SAMD9: variants seen among roughly 807,000 people sequenced by gnomAD.
SAMD9 encodes sterile alpha motif domain-containing protein 9.
Under a neutral mutation model 1.5 loss-of-function variants are expected in SAMD9, and 3 were observed. The observed-to-expected ratio is 2.05, with a 90% CI of 0.93 to 5.29. The LOEUF is 5.29. Among genes scored for constraint, SAMD9 ranks in the 30% most tolerant of loss-of-function variants. The pLI is 0.02. For missense variants in SAMD9, 1,597 were observed against 1,820.8 expected (o/e 0.88, Z 2.24); for synonymous variants, 635 against 631.9 (o/e 1.00, Z -0.07).
rs1030030514 is a variant in SAMD9 at position 93,105,469 on chromosome 7, T to G, written c.629A>C (p.Asp210Ala). The change falls in exon 3 of 3, where the codon GAT becomes GCT. Residue 210 changes from aspartate (D) to alanine (A), a missense_variant. Asp to Ala is a moderately radical substitution (Grantham distance 126). Coordinates refer to ENST00000379958, the MANE Select transcript of SAMD9 (RefSeq NM_017654.4). ...CTCATTGCTAAATTTCATCTTGACA[T>G]CCTCTTCTGTGGCTGTTGCTGTATT... ...FTNTATATEE[D>A]VKMKFSNEVF... 4 of 1,614,090 alleles carry G rather than the reference T, an allele frequency of 2.5e-6. No homozygotes were observed. Among genetic ancestry groups the G allele is most frequent in the Non-Finnish European group, 3.4e-6 (4 of 1,179,964 alleles).
At chr7:93,113,511 C>T (rs927794063) in intron 2 of SAMD9, among the ~76,000 whole-genome samples, 4 of 152,142 alleles carry the variant, frequency 2.6e-5, no homozygotes, top group Non-Finnish European at 5.9e-5. Context: ...TCAGAGTGAA[C>T]AGGCAACCTA....
chr7:93,114,921 T>G (rs1467642187), intron 1 of SAMD9, 26 bp from the exon 2 acceptor site: 1 of 152,168 alleles, frequency 6.6e-6, no homozygotes, highest in East Asian at 1.9e-4. Flanking sequence ...ACTCATATTT[T>G]TAAGTAATCA....
intron 2 of SAMD9, among the ~76,000 whole-genome samples, chr7:93,109,323 G>A (rs143597799): frequency 0.033 from 5,007 of 152,128 alleles, 197 homozygotes; most frequent in African/African-American, 0.09. Flanking sequence ...AAAGACCAAA[G>A]GTAGATAAAA....
rs1406460331 is a variant in SAMD9, at chr7:93,101,084, C to T, written c.*244G>A. The T allele has an allele frequency of 9.7e-6, 5 of 517,198 alleles. No homozygotes were observed. Among genetic ancestry groups the T allele is most frequent in the Non-Finnish European group, 1.7e-5 (5 of 288,916 alleles). 32.0% of individuals were successfully genotyped at this position (517,198 alleles called of 1,614,324 possible). ...CAGTCATAGCTCCTTATTATTTTGT[C>T]ATCAATGATGTTAACCAAACCAAGG... On this transcript the variant is annotated 3_prime_UTR_variant, in exon 3 of 3. Coordinates refer to ENST00000379958, the MANE Select transcript of SAMD9 (RefSeq NM_017654.4).
At chr7:93,114,943 A>G (rs563824084) in intron 1 of SAMD9, 48 bp from the exon 2 acceptor site, 1 of 152,340 alleles carries the variant, frequency 6.6e-6, no homozygotes, top group Non-Finnish European at 1.5e-5. Context: ...AAAGTCATCA[A>G]TAGACCAGAT....
chr7:93,104,136 A>T lies in SAMD9; in HGVS notation c.1962T>A (p.Ile654=). Residue 654 remains isoleucine (I), a synonymous_variant, in exon 3 of 3, where the codon ATT becomes ATA. Transcript: ENST00000379958. ...KEEDIMTALE[I]ICENECEGTL... is the part of the protein sequence containing the mutation. ...TACCCTCACATTCATTTTCACAGAT[A>T]ATTTCCAGAGCAGTCATGATATCTT... 1 of 1,613,924 alleles carries T rather than the reference A, an allele frequency of 6.2e-7. No individual in the cohort carries two copies. Among genetic ancestry groups the T allele is most frequent in the Non-Finnish European group, 8.5e-7 (1 of 1,179,864 alleles).
Position 93,103,642 on chromosome 7 carries a change from G to A in SAMD9, c.2456C>T (p.Ala819Val), listed in dbSNP as rs868190186. 4 of 1,613,584 alleles carry A rather than the reference G, an allele frequency of 2.5e-6. No individual in the cohort carries two copies. The African/African-American group carries it at 4.0e-5, about 16-fold the overall frequency. The change falls in exon 3 of 3, where the codon GCT (alanine) becomes GTT (valine). Residue 819 changes from alanine (A) to valine (V), a missense_variant. This residue lies in a region of SAMD9 where 55 missense variants were observed against 58.6 expected (regional missense o/e 0.94). Coordinates refer to ENST00000379958, the MANE Select transcript of SAMD9 (RefSeq NM_017654.4). The stretch of plus-strand genomic sequence containing the variant: ...TTTTTCATATCGAATGTACTTTTTA[G>A]CTATAGCTGTTTGAATAGAGTACTG... ...LLQYSIQTAI[A>V]KKYIRYEKPL...
Position 93,102,476 on chromosome 7 carries a change from T to A in SAMD9, c.3622A>T (p.Ile1208Phe). 6.2e-7 allele frequency: 1 copy of A among 1,613,750 alleles called. No homozygotes were observed. Among genetic ancestry groups the A allele is most frequent in the Admixed American group, 1.7e-5 (1 of 59,982 alleles). ...QGEIEVGLYT[I>F]QILQLIPFFD... The stretch of plus-strand genomic sequence containing the variant: ...AAAGGAATGAGCTGGAGAATTTGGA[T>A]TGTGTAAAGCCCAACTTCTATCTCT... Residue 1208 changes from isoleucine (I) to phenylalanine (F), a missense_variant, in exon 3 of 3, where the codon ATC becomes TTC. Ile to Phe is a conservative substitution (Grantham distance 21). Coordinates refer to ENST00000379958, the MANE Select transcript of SAMD9 (RefSeq NM_017654.4).
intron 2 of SAMD9, among the ~76,000 whole-genome samples, chr7:93,107,528 G>T (rs1791666588): frequency 6.6e-6 from 1 of 152,170 alleles, no homozygotes; most frequent in Admixed American, 6.5e-5. Flanking sequence ...ATCCAAAATT[G>T]TGAGACATTT....
At chr7:93,112,809 C>G (rs544089140) in intron 2 of SAMD9, among the ~76,000 whole-genome samples, 2 of 152,206 alleles carry the variant, frequency 1.3e-5, no homozygotes, top group South Asian at 4.2e-4. Flanking sequence ...AAAGAGGACA[C>G]AAACAAATGA....
Position 93,104,933 on chromosome 7 carries a change from TTTC to T in SAMD9, c.1162_1164del (p.Glu388del), listed in dbSNP as rs770943910. On this transcript the variant is annotated inframe_deletion, in exon 3 of 3. Transcript: ENST00000379958. The stretch of plus-strand genomic sequence containing the variant: ...AATTTAACCAACTTTGGTCCCTCTC[TTTC>T]TTTTTTATTTGTTTTTGCTCTGAAT... The T allele has an allele frequency of 6.2e-7, 1 of 1,611,384 alleles. No homozygotes were observed. The highest frequency in any genetic ancestry group is 1.1e-5 in the South Asian group (1 of 90,356).
chr7:93,104,306 G>T lies in SAMD9; in HGVS notation c.1792C>A (p.Gln598Lys), dbSNP rs767325816. ...ATACATTGGCTTGAAATTTCATCTT[G>T]GTGTTTTATTAATCTTGCTTCAAGT... ...DLLEARLIKH[Q>K]DEISSQCISA... is the part of the protein sequence containing the mutation. Residue 598 changes from glutamine (Q) to lysine (K), a missense_variant, in exon 3 of 3, where the codon CAA (glutamine) becomes AAA (lysine). Coordinates refer to ENST00000379958, the MANE Select transcript of SAMD9 (RefSeq NM_017654.4). The T allele has an allele frequency of 1.9e-6, 3 of 1,613,340 alleles. No homozygotes were observed. The highest frequency in any genetic ancestry group is 2.5e-6 in the Non-Finnish European group (3 of 1,179,676).
rs770339001 is a variant in SAMD9, at chr7:93,105,782, G to T, written c.316C>A (p.Arg106Ser). 6 of 1,614,006 alleles carry T rather than the reference G, an allele frequency of 3.7e-6. No individual in the cohort carries two copies. In the South Asian group the frequency reaches 5.5e-5, roughly 15 times the overall value. The change falls in exon 3 of 3, where the codon CGT becomes AGT. Residue 106 changes from arginine (R) to serine (S), a missense_variant. This residue lies in a region of SAMD9 where 498 missense variants were observed against 457.4 expected (regional missense o/e 1.09). Coordinates refer to ENST00000379958, the MANE Select transcript of SAMD9 (RefSeq NM_017654.4). ...PKDQTVSQKE[R>S]RETSKQKQKG... ...TGTTTTTGCTTTGAAGTTTCTCTACGTTCCTTTTGAGACACAGTTTGGTCT... is the reference window on the plus strand; with the variant it reads ...TGTTTTTGCTTTGAAGTTTCTCTACTTTCCTTTTGAGACACAGTTTGGTCT...
rs1791519150 is a variant in SAMD9 at position 93,101,059 on chromosome 7, C to T, written c.*269G>A. ...TTATTACACTAACTTCTCCTGACTC[C>T]AGTCATAGCTCCTTATTATTTTGTC... On this transcript the variant is annotated 3_prime_UTR_variant, in exon 3 of 3. Transcript: ENST00000379958. The T allele has an allele frequency of 2.2e-6, 1 of 459,728 alleles. No individual in the cohort carries two copies. Among genetic ancestry groups the T allele is most frequent in the Non-Finnish European group, 3.9e-6 (1 of 254,234 alleles). The allele number at this position is 459,728 out of a possible 1,614,324, so 28.5% of individuals were successfully genotyped here.
Position 93,102,063 on chromosome 7 carries a change from A to G in SAMD9, c.4035T>C (p.Ser1345=), listed in dbSNP as rs1791540491. The G allele has an allele frequency of 2.5e-6, 4 of 1,613,280 alleles. No individual in the cohort carries two copies. The highest frequency in any genetic ancestry group is 3.4e-6 in the Non-Finnish European group (4 of 1,179,768). Residue 1345 remains serine, a synonymous_variant, in exon 3 of 3, where the codon TCT becomes TCC. Coordinates refer to ENST00000379958, the MANE Select transcript of SAMD9 (RefSeq NM_017654.4). ...NLVALKADKF[S]GLLEYLIKSQ... Reference sequence around the variant, plus strand: ...TTTTGATAAGATATTCCAAGAGCCCAGAAAACTTGTCTGCTTTTAAAGCTA... The same window carrying G: ...TTTTGATAAGATATTCCAAGAGCCCGGAAAACTTGTCTGCTTTTAAAGCTA...
At chr7:93,117,713 A>C (rs986033723) in intron 1 of SAMD9, 150 bp downstream of exon 1, 1 of 152,244 alleles carries the variant, frequency 6.6e-6, no homozygotes, top group East Asian at 1.9e-4. Context: ...CTGTCAGAGC[A>C]ACAAATAGTC....
Position 93,101,907 on chromosome 7 carries a change from A to T in SAMD9, c.4191T>A (p.Cys1397Ter), listed in dbSNP as rs1791537148. The T allele has an allele frequency of 6.2e-7, 1 of 1,613,764 alleles. No homozygotes were observed. The highest frequency in any genetic ancestry group is 8.5e-7 in the Non-Finnish European group (1 of 1,179,778). The change falls in exon 3 of 3, where the codon TGT (cysteine) becomes TGA (stop). Residue 1397 changes from cysteine to a stop codon, truncating the protein, a stop_gained. Coordinates refer to ENST00000379958, the MANE Select transcript of SAMD9 (RefSeq NM_017654.4). LOFTEE classifies it low-confidence loss of function (END_TRUNC). Reference sequence around the variant, plus strand: ...TTACTAATCTGGAGGTAGGTTGGATACAGGAGAGAATAATGTTGGCCAAGA... The same window carrying T: ...TTACTAATCTGGAGGTAGGTTGGATTCAGGAGAGAATAATGTTGGCCAAGA... ...NFILANIILS[C>*]IQPTSRLVKP... is the part of the protein sequence containing the mutation.
At chr7:93,113,280 T>G (rs1791776437) in intron 2 of SAMD9, among the ~76,000 whole-genome samples, 1 of 152,196 alleles carries the variant, frequency 6.6e-6, no homozygotes, top group Non-Finnish European at 1.5e-5. Context: ...GATCCCTTCC[T>G]TACACCTCAT....
chr7:93,104,465 A>T lies in SAMD9; in HGVS notation c.1633T>A (p.Leu545Ile). ...CTTGGGTCATCCACAGAGGACAGTA[A>T]TAGAAATACCACCAAAAACTTCCCT... ...PRGKFLVVFL[L>I]LSSVDDPRDP... The change falls in exon 3 of 3, where the codon TTA becomes ATA. Residue 545 changes from leucine (L) to isoleucine (I), a missense_variant. Around this residue, in one of 6 missense-constraint regions of SAMD9, gnomAD observed 358 missense variants for 460.4 expected, o/e 0.78. Transcript: ENST00000379958. 6.2e-7 allele frequency: 1 copy of T among 1,614,060 alleles called. No homozygotes were observed. Among genetic ancestry groups the T allele is most frequent in the Non-Finnish European group, 8.5e-7 (1 of 1,179,904 alleles).
Sources: allele counts gnomAD v4.1 joint callset (sites outside exome capture counted in the v4.1 genomes callset), GRCh38; gene constraint gnomAD v4.1.1; regional missense constraint gnomAD v4.1.1; transcripts MANE v1.5; gene names NCBI Gene and HGNC (gene_info 2026-07-23, HGNC 2026-07-21).